REPS1: variants seen among roughly 807,000 people sequenced by gnomAD.
REPS1 encodes RALBP1 associated Eps domain containing 1.
In REPS1, 39 loss-of-function variants were observed where a neutral mutation model predicts 100.9. The ratio of observed to expected loss-of-function variants is 0.39; its 90% CI spans 0.30 to 0.50. The LOEUF (loss-of-function observed/expected upper bound fraction) is 0.50, where lower values mean the gene tolerates loss of function less well. REPS1 is among the 20% of genes least tolerant of loss of function. The pLI, the probability that REPS1 is intolerant of heterozygous loss-of-function variation, is 0.86. For synonymous variants in REPS1, 324 were observed against 340.3 expected (o/e 0.95, Z 0.53); for missense variants, 821 against 968.5 (o/e 0.85, Z 2.02).
chr6:138,987,278 G>A (rs947654952), intron 1 of REPS1, among the ~76,000 whole-genome samples: 6 of 152,196 alleles, frequency 3.9e-5, no homozygotes, highest in Non-Finnish European at 7.3e-5. Flanking sequence ...CAGATTCTCA[G>A]GGTCGTGGGG....
At chr6:138,961,196 TAAAAA>T (rs1355600524) in intron 1 of REPS1, among the ~76,000 whole-genome samples, 1 of 152,210 alleles carries the variant, frequency 6.6e-6, no homozygotes, top group East Asian at 1.9e-4. Context: ...CATAAAATAT[TAAAAA>T]GATGTATGCT....
chr6:138,925,233 G>A (rs941703380), intron 10 of REPS1, among the ~76,000 whole-genome samples: 42 of 151,870 alleles, frequency 2.8e-4, no homozygotes, highest in African/African-American at 8.9e-4. Flanking sequence ...CAGGCATGGT[G>A]GCGGACACCT....
intron 1 of REPS1, among the ~76,000 whole-genome samples, chr6:138,964,416 T>C (rs1351842271): frequency 6.6e-6 from 1 of 152,100 alleles, no homozygotes; most frequent in African/African-American, 2.4e-5. Context: ...ATAAGAAATA[T>C]ATAAAATTCA....
At chr6:138,925,114 G>A (rs1374387925) in intron 10 of REPS1, among the ~76,000 whole-genome samples, 2 of 152,120 alleles carry the variant, frequency 1.3e-5, no homozygotes, top group Non-Finnish European at 2.9e-5. Flanking sequence ...GGGAGGCCGA[G>A]GTGGGTGGAT....
chr6:138,937,268 T>C (rs1023786781), intron 8 of REPS1, among the ~76,000 whole-genome samples: 1 of 152,094 alleles, frequency 6.6e-6, no homozygotes, highest in Non-Finnish European at 1.5e-5. Flanking sequence ...AGCCAAACCA[T>C]ATCAATTATA....
chr6:138,950,922 A>G (rs962816725), intron 1 of REPS1: 1 of 152,196 alleles, frequency 6.6e-6, no homozygotes, highest in Admixed American at 6.5e-5. Context: ...CGGGCGCGGC[A>G]GCTCACGCCT....
intron 17 of REPS1, chr6:138,910,830 T>C (rs1779957375): frequency 6.4e-6 from 1 of 155,346 alleles, no homozygotes; most frequent in African/African-American, 2.4e-5. Flanking sequence ...TTTACTGATG[T>C]ACAATGAAAA....
intron 1 of REPS1, among the ~76,000 whole-genome samples, chr6:138,955,456 A>ATGTGTGTG (rs1562552291): frequency 2.1e-5 from 1 of 46,858 alleles, no homozygotes; most frequent in East Asian, 1.9e-3. Flanking sequence ...AAAAAAAAAA[A>ATGTGTGTG]AGTGTGTGTG....
At chr6:138,976,301 T>C (rs529979422) in intron 1 of REPS1, among the ~76,000 whole-genome samples, 2 of 152,310 alleles carry the variant, frequency 1.3e-5, no homozygotes, top group East Asian at 3.9e-4. Flanking sequence ...AATCACTTCA[T>C]GCAATTTTTT....
rs752828220 is a variant in REPS1, at chr6:138,947,925, CATA to C, written c.154-15_154-13del. ...CAAAGCTCCATGATCTATAAAATAA[CATA>C]ATGTTAACATTAAGATTCACAACAA... On this transcript the variant is annotated splice_polypyrimidine_tract_variant and intron_variant, in intron 1 of 19. Transcript: ENST00000450536. The C allele has an allele frequency of 6.4e-7, 1 of 1,573,582 alleles. No individual in the cohort carries two copies. Among genetic ancestry groups the C allele is most frequent in the Non-Finnish European group, 8.6e-7 (1 of 1,166,220 alleles).
chr6:138,966,089 T>C (rs1020243405), intron 1 of REPS1, among the ~76,000 whole-genome samples: 5 of 152,078 alleles, frequency 3.3e-5, no homozygotes, highest in African/African-American at 1.2e-4. Flanking sequence ...AGTGATGAAG[T>C]TGAAGATTCC....
In REPS1 at chr6:138,915,935, G is replaced by A. The variant is rs750853240; in HGVS notation, c.1643C>T (p.Pro548Leu). ...GTSPDNTAPP[P>L]PPPRPQPSHS... ...AGAGGGCTGTGGCCTTGGAGGGGGA[G>A]GTGGTGGTGCAGTGTTATCAGGCGA... Residue 548 changes from proline to leucine, a missense_variant, in exon 14 of 20, where the codon CCT becomes CTT. This residue lies in a region of REPS1 where 757 missense variants were observed against 866.4 expected (regional missense o/e 0.87). Transcript: ENST00000450536. 1 of 1,613,980 alleles carries A rather than the reference G, an allele frequency of 6.2e-7. No homozygotes were observed. Among genetic ancestry groups the A allele is most frequent in the Non-Finnish European group, 8.5e-7 (1 of 1,179,924 alleles).
At chr6:138,943,770 G>T in intron 6 of REPS1, 83 bp downstream of exon 6, 4 of 1,244,522 alleles carry the variant, frequency 3.2e-6, no homozygotes, top group Non-Finnish European at 4.5e-6. Context: ...TAAAATCTAT[G>T]ACCAATAAAA....
At chr6:138,956,032 T>C (rs1783364270) in intron 1 of REPS1, among the ~76,000 whole-genome samples, 1 of 152,182 alleles carries the variant, frequency 6.6e-6, no homozygotes, top group South Asian at 2.1e-4. Flanking sequence ...CACATTTTCT[T>C]GAGAGCCAAG....
At chr6:138,908,307 A>G (rs1779792287) in intron 18 of REPS1, among the ~76,000 whole-genome samples, 2 of 152,060 alleles carry the variant, frequency 1.3e-5, no homozygotes, top group Non-Finnish European at 2.9e-5. Flanking sequence ...TATTATTATT[A>G]TTTGTGAGAT....
chr6:138,957,039 C>T (rs1452090393), intron 1 of REPS1, among the ~76,000 whole-genome samples: 3 of 145,760 alleles, frequency 2.1e-5, no homozygotes, highest in Non-Finnish European at 3.1e-5. Flanking sequence ...TAGAAAAATA[C>T]AAAAAAAAAA....
rs183621346 is a variant in REPS1, at chr6:138,984,827, C to A, written c.153+2703G>T. On this transcript the variant is annotated intron_variant, in intron 1 of 19. Coordinates refer to ENST00000450536, the MANE Select transcript of REPS1 (RefSeq NM_001286611.2). The stretch of plus-strand genomic sequence containing the variant: ...AATTAGTTCAAAGCTCTCCATCCAA[C>A]CTTGATAATCTGGCCTCAATTAAAC... Among the ~76,000 whole-genome samples the A allele has an allele frequency of 3.8e-4, 58 of 152,290 alleles. No homozygotes were observed. In the East Asian group the frequency reaches 8.3e-3, roughly 22 times the overall value.
intron 1 of REPS1, among the ~76,000 whole-genome samples, chr6:138,953,681 C>CAAAAAAAAAAAAAA (rs34741005): frequency 7.9e-6 from 1 of 126,934 alleles, no homozygotes; most frequent in Non-Finnish European, 1.7e-5. Context: ...TGGCTATTAT[C>CAAAAAAAAAAAAAA]AAAAAAAAAA....
At position 138,952,390 on chromosome 6, in the gene REPS1, AT is replaced by A. The variant is rs146276457; in HGVS notation, c.154-4478del. 2.2e-3 allele frequency among the ~76,000 whole-genome samples: 333 copies of A among 150,128 alleles called. 3 individuals are homozygous for A. Among genetic ancestry groups the A allele is most frequent in the African/African-American group, 7.4e-3 (304 of 40,908 alleles). On this transcript the variant is annotated intron_variant, in intron 1 of 19. Transcript: ENST00000450536. ...AAACCAATATACAAAAATCAGTAGC[AT>A]TTTTTTTTCTTTTTTTTTTTCCTCT... is the stretch of plus-strand genomic sequence containing the variant.
Sources: gnomAD v4.1 joint callset for allele counts (sites outside exome capture counted in the v4.1 genomes callset) on GRCh38, gnomAD v4.1.1 for gene constraint, gnomAD v4.1.1 regional missense constraint, MANE v1.5 for transcripts, NCBI Gene and HGNC (gene_info 2026-07-23, HGNC 2026-07-21) for gene names.